Variants in PRDM5 observed in about 807,000 individuals in gnomAD.
The protein encoded by PRDM5 is PR domain zinc finger protein 5.
PRDM5 carries 56 observed loss-of-function variants against 81.2 expected under a neutral mutation model. The observed-to-expected ratio is 0.69, with a 90% confidence interval of 0.56 to 0.86. PRDM5 has a LOEUF of 0.86. Among genes scored for constraint, PRDM5 ranks in the 40% least tolerant of loss-of-function variants. The pLI is 0.00. For synonymous variants in PRDM5, 267 were observed against 256.4 expected (o/e 1.04, Z -0.39); for missense variants, 697 against 770.1 (o/e 0.91, Z 1.12).
At chr4:120,695,420 T>C in intron 15 of PRDM5, 145 bp from the exon 16 acceptor site, 2 of 862,822 alleles carry the variant, frequency 2.3e-6, no homozygotes, top group Non-Finnish European at 1.8e-6. Flanking sequence ...CCCTTCCCTT[T>C]TCCCAGCTGC....
intron 2 of PRDM5, 22 bp from the exon 3 acceptor site, chr4:120,853,562 A>G: frequency 6.2e-7 from 1 of 1,613,458 alleles, no homozygotes; most frequent in Non-Finnish European, 8.5e-7. Context: ...AAGGCTCCTG[A>G]GTTTACAATG....
chr4:120,709,343 G>A lies in PRDM5; in HGVS notation c.1728+966C>T, dbSNP rs1421142986. 2.0e-5 allele frequency among the ~76,000 whole-genome samples: 3 copies of A among 152,150 alleles called. No homozygotes were observed. The South Asian group carries it at 6.2e-4, about 32-fold the overall frequency. On this transcript the variant is annotated intron_variant, in intron 15 of 15. Coordinates refer to ENST00000264808, the MANE Select transcript of PRDM5 (RefSeq NM_018699.4). ...CTCTGTTCAGTATAGAGCTTTATAT[G>A]TGTGCATTTCTTCCTCTACAACTGT...
At chr4:120,737,491 T>G (rs920099688) in intron 14 of PRDM5, among the ~76,000 whole-genome samples, 3 of 152,184 alleles carry the variant, frequency 2.0e-5, no homozygotes, top group Non-Finnish European at 2.9e-5. Flanking sequence ...GACCCAGTAC[T>G]TTCCCACGCC....
chr4:120,749,345 C>T (rs950929035), intron 14 of PRDM5, among the ~76,000 whole-genome samples: 1 of 152,130 alleles, frequency 6.6e-6, no homozygotes, highest in Admixed American at 6.5e-5. Context: ...AACCTGGGGG[C>T]CCTGGCACAT....
At chr4:120,757,473 A>C (rs1223987369) in intron 13 of PRDM5, among the ~76,000 whole-genome samples, 1 of 152,188 alleles carries the variant, frequency 6.6e-6, no homozygotes, top group East Asian at 1.9e-4. Flanking sequence ...ATAGCTGGTT[A>C]ATTTTACATG....
At chr4:120,804,723 C>T (rs897397030) in intron 8 of PRDM5, among the ~76,000 whole-genome samples, 1 of 152,162 alleles carries the variant, frequency 6.6e-6, no homozygotes, top group Non-Finnish European at 1.5e-5. Context: ...AAATTTATAG[C>T]ATTAAATGCC....
At chr4:120,765,377 CA>C (rs1241949697) in intron 13 of PRDM5, among the ~76,000 whole-genome samples, 1 of 152,180 alleles carries the variant, frequency 6.6e-6, no homozygotes, top group Non-Finnish European at 1.5e-5. Flanking sequence ...TTTAAAAACC[CA>C]AAAGCAGTTC....
intron 9 of PRDM5, among the ~76,000 whole-genome samples, chr4:120,799,029 A>G (rs1751739441): frequency 6.6e-6 from 1 of 152,234 alleles, no homozygotes; most frequent in Admixed American, 6.5e-5. Flanking sequence ...ATTCAAAAAC[A>G]TTCTGACTTC....
chr4:120,835,639 C>T (rs1757259500), intron 3 of PRDM5, among the ~76,000 whole-genome samples: 1 of 152,182 alleles, frequency 6.6e-6, no homozygotes, highest in South Asian at 2.1e-4. Context: ...ACTTGCTCCT[C>T]CTTGCCTTCC....
At chr4:120,816,236 T>C in intron 7 of PRDM5, 1 of 709,242 alleles carries the variant, frequency 1.4e-6, no homozygotes. Flanking sequence ...ACAGTTATAA[T>C]TAATTCAGGA....
chr4:120,816,947 GAAAGA>G (rs1366957011), intron 5 of PRDM5, 23 bp from the exon 6 acceptor site: 1 of 1,576,230 alleles, frequency 6.3e-7, no homozygotes, highest in African/African-American at 1.3e-5. Context: ...AGGAAAAAGA[GAAAGA>G]AAAGAAAACA....
At chr4:120,728,841 A>T (rs529582312) in intron 14 of PRDM5, among the ~76,000 whole-genome samples, 115 of 152,374 alleles carry the variant, frequency 7.5e-4, no homozygotes, top group South Asian at 1.2e-3. Flanking sequence ...AATACACACA[A>T]GAAATATGAT....
intron 2 of PRDM5, among the ~76,000 whole-genome samples, chr4:120,899,684 G>T (rs1765030087): frequency 6.6e-6 from 1 of 152,096 alleles, no homozygotes; most frequent in African/African-American, 2.4e-5. Context: ...AGATTATTCA[G>T]TACCACACCA....
At position 120,785,035 on chromosome 4, in the gene PRDM5, G is replaced by A; in HGVS notation, c.1245C>T (p.Thr415=). ...QCEECKALFR[T]PFSLQRHLLI... Reference sequence around the variant, plus strand: ...GCAGGTGTCTCTGTAAAGAAAATGGGGTCCGGAACAAAGCTTTACATTCTT... The same window carrying A: ...GCAGGTGTCTCTGTAAAGAAAATGGAGTCCGGAACAAAGCTTTACATTCTT... Residue 415 remains threonine (T), a synonymous_variant, in exon 11 of 16, where the codon ACC becomes ACT. Coordinates refer to ENST00000264808, the MANE Select transcript of PRDM5 (RefSeq NM_018699.4). The A allele has an allele frequency of 1.9e-6, 3 of 1,611,480 alleles. No individual in the cohort carries two copies. In the South Asian group the frequency reaches 3.3e-5, roughly 18 times the overall value.
chr4:120,821,128 T>G, intron 4 of PRDM5, 43 bp downstream of exon 4: 1 of 1,594,660 alleles, frequency 6.3e-7, no homozygotes, highest in South Asian at 1.1e-5. Flanking sequence ...CACTTTTTTC[T>G]ACAACTTTTC....
intron 13 of PRDM5, chr4:120,762,400 TG>T (rs1745756229): frequency 6.6e-6 from 1 of 152,190 alleles, no homozygotes; most frequent in African/African-American, 2.4e-5. Context: ...TCCACATGGT[TG>T]AACTTTAAAA....
At chr4:120,760,486 G>T (rs1323817259) in intron 13 of PRDM5, among the ~76,000 whole-genome samples, 3 of 152,032 alleles carry the variant, frequency 2.0e-5, no homozygotes, top group Non-Finnish European at 4.4e-5. Context: ...TAGATTTAGT[G>T]AACACAGCAG....
chr4:120,785,868 A>G (rs1473623097), intron 10 of PRDM5, among the ~76,000 whole-genome samples: 1 of 152,072 alleles, frequency 6.6e-6, no homozygotes, highest in Non-Finnish European at 1.5e-5. Flanking sequence ...ACAAGAAACA[A>G]TGAAAAGCCA....
chr4:120,809,000 A>C (rs1753434510), intron 8 of PRDM5, among the ~76,000 whole-genome samples: 1 of 152,208 alleles, frequency 6.6e-6, no homozygotes, highest in African/African-American at 2.4e-5. Flanking sequence ...TGTCCAGCCC[A>C]GAAGGGGGCT....
Sources: allele counts gnomAD v4.1 joint callset (sites outside exome capture counted in the v4.1 genomes callset), GRCh38; gene constraint gnomAD v4.1.1; transcripts MANE v1.5; gene names NCBI Gene and HGNC (gene_info 2026-07-23, HGNC 2026-07-21).